The following PCSK5 variants were observed in gnomAD, a reference collection of about 807,000 sequenced individuals.
PCSK5 encodes prohormone convertase 5.
A neutral mutation model predicts 233.2 loss-of-function variants in PCSK5; 129 were observed. The ratio of observed to expected loss-of-function variants is 0.55; its 90% CI spans 0.48 to 0.64. The LOEUF is 0.64. PCSK5 is among the 30% of genes least tolerant of loss of function. The probability of loss-of-function intolerance (pLI) is 0.00; values close to 1 mark genes in which losing one functional copy is unlikely to be tolerated. For missense variants in PCSK5, 2,076 were observed against 2,430.1 expected (o/e 0.85, Z 3.06); for synonymous variants, 825 against 879.2 (o/e 0.94, Z 1.09).
At chr9:76,000,849 T>C (rs1001428919) in intron 3 of PCSK5, among the ~76,000 whole-genome samples, 15 of 152,070 alleles carry the variant, frequency 9.9e-5, no homozygotes, top group African/African-American at 3.6e-4. Context: ...AATAAATGCT[T>C]CCATTATTAT....
At chr9:76,019,482 G>A (rs1424743531) in intron 3 of PCSK5, among the ~76,000 whole-genome samples, 1 of 152,112 alleles carries the variant, frequency 6.6e-6, no homozygotes, top group Non-Finnish European at 1.5e-5. Flanking sequence ...TTCATTGTTA[G>A]CAGATTATTG....
intron 20 of PCSK5, among the ~76,000 whole-genome samples, chr9:76,208,445 T>C: frequency 6.6e-6 from 1 of 152,182 alleles, no homozygotes; most frequent in Non-Finnish European, 1.5e-5. Flanking sequence ...GTCCTCCTCA[T>C]AAATATTAAA....
At chr9:76,060,146 T>G (rs1196588164) in intron 5 of PCSK5, among the ~76,000 whole-genome samples, 2 of 152,190 alleles carry the variant, frequency 1.3e-5, no homozygotes, top group Non-Finnish European at 2.9e-5. Context: ...AATGTACACT[T>G]GACCCTTGAA....
rs565204891 is a variant in PCSK5 at position 76,012,410 on chromosome 9, A to G, written c.412-11328A>G. 2.8e-4 allele frequency among the ~76,000 whole-genome samples: 42 copies of G among 152,326 alleles called. No individual in the cohort carries two copies. The South Asian group carries it at 7.9e-3, about 29-fold the overall frequency. On this transcript the variant is annotated intron_variant, in intron 3 of 37. Coordinates refer to ENST00000674117, the MANE Select transcript of PCSK5 (RefSeq NM_001372043.1). ...TGGCTTTATCCCCAGTGGACATCTG[A>G]CTGCAAAGTATGGGAGGCCCCAAGT...
chr9:76,180,823 A>T (rs1823833377), intron 15 of PCSK5, among the ~76,000 whole-genome samples: 1 of 151,944 alleles, frequency 6.6e-6, no homozygotes, highest in Admixed American at 6.6e-5. Flanking sequence ...CTGATATTTA[A>T]TTGGTGCTCA....
chr9:76,022,497 G>C (rs371704170), intron 3 of PCSK5, among the ~76,000 whole-genome samples: 1 of 152,034 alleles, frequency 6.6e-6, no homozygotes, highest in Non-Finnish European at 1.5e-5. Context: ...GGGGTGGCTC[G>C]TGTTACTATG....
chr9:75,920,359 G>A (rs188007538), intron 1 of PCSK5, among the ~76,000 whole-genome samples: 30 of 152,226 alleles, frequency 2.0e-4, no homozygotes, highest in African/African-American at 5.3e-4. Context: ...GGTGATCAGA[G>A]CTCAATGCAG....
intron 2 of PCSK5, among the ~76,000 whole-genome samples, chr9:75,976,864 C>A (rs1826046876): frequency 6.6e-6 from 1 of 151,834 alleles, no homozygotes; most frequent in African/African-American, 2.4e-5. Context: ...CACCTTTTTT[C>A]CACTTAGCTG....
chr9:76,095,546 C>G (rs1440142174), intron 7 of PCSK5, among the ~76,000 whole-genome samples: 2 of 152,202 alleles, frequency 1.3e-5, no homozygotes, highest in East Asian at 3.9e-4. Context: ...TACTTAACTT[C>G]TGTACCTCAA....
chr9:76,190,838 C>T (rs527705938), intron 20 of PCSK5, among the ~76,000 whole-genome samples: 1 of 152,294 alleles, frequency 6.6e-6, no homozygotes, highest in Admixed American at 6.5e-5. Context: ...GCAGCACCAT[C>T]CCCAAATATT....
chr9:76,148,434 T>C (rs1823541085), intron 10 of PCSK5, among the ~76,000 whole-genome samples: 1 of 151,650 alleles, frequency 6.6e-6, no homozygotes, highest in Admixed American at 6.6e-5. Flanking sequence ...ATCTGCCTTC[T>C]TTTCAGTTAC....
At chr9:76,353,851 C>T (rs1383349801) in intron 36 of PCSK5, among the ~76,000 whole-genome samples, 182 bp from the exon 37 acceptor site, 1 of 152,154 alleles carries the variant, frequency 6.6e-6, no homozygotes, top group Non-Finnish European at 1.5e-5. Context: ...GTGATTCCAC[C>T]CCATCACAGA....
intron 16 of PCSK5, 50 bp from the exon 17 acceptor site, chr9:76,184,623 A>T (rs1487330962): frequency 1.7e-6 from 2 of 1,210,144 alleles, no homozygotes; most frequent in African/African-American, 3.0e-5. Flanking sequence ...TGATGCTTTT[A>T]TGGAATCCAA....
chr9:76,165,504 AAAAG>A (rs1823050012), intron 12 of PCSK5, among the ~76,000 whole-genome samples: 3 of 152,246 alleles, frequency 2.0e-5, no homozygotes, highest in Admixed American at 2.0e-4. Context: ...TTAATTCCTC[AAAAG>A]GATATACTAC....
At chr9:76,165,111 A>G (rs1227083101) in intron 12 of PCSK5, among the ~76,000 whole-genome samples, 1 of 152,184 alleles carries the variant, frequency 6.6e-6, no homozygotes, top group Non-Finnish European at 1.5e-5. Context: ...ACAAAAACCA[A>G]ACATCTAAAG....
intron 2 of PCSK5, among the ~76,000 whole-genome samples, chr9:75,953,776 A>G (rs1349307792): frequency 6.6e-6 from 1 of 152,020 alleles, no homozygotes; most frequent in Non-Finnish European, 1.5e-5. Flanking sequence ...TCAAATTCCC[A>G]CACTTTTGAA....
At chr9:76,062,449 A>G (rs955173652) in intron 5 of PCSK5, among the ~76,000 whole-genome samples, 30 of 152,240 alleles carry the variant, frequency 2.0e-4, no homozygotes, top group African/African-American at 6.8e-4. Flanking sequence ...TCAACATCAA[A>G]TATAATGGGC....
intron 3 of PCSK5, among the ~76,000 whole-genome samples, chr9:76,000,691 A>G (rs1478905133): frequency 6.6e-6 from 1 of 152,210 alleles, no homozygotes; most frequent in Non-Finnish European, 1.5e-5. Context: ...TTGTAAATTC[A>G]TTAACTTAAA....
At chr9:76,274,942 C>T (rs1024730686) in intron 24 of PCSK5, among the ~76,000 whole-genome samples, 2 of 152,038 alleles carry the variant, frequency 1.3e-5, no homozygotes, top group East Asian at 1.9e-4. Context: ...AGGCACCAGG[C>T]TCTTTTGAAC....
Sources: gnomAD v4.1 joint callset for allele counts (sites outside exome capture counted in the v4.1 genomes callset) on GRCh38, gnomAD v4.1.1 for gene constraint, MANE v1.5 for transcripts, NCBI Gene and HGNC (gene_info 2026-07-23, HGNC 2026-07-21) for gene names.